ANK3: variants seen among roughly 807,000 people sequenced by gnomAD.
ANK3 encodes ankyrin-3.
A neutral mutation model predicts 370.9 loss-of-function variants in ANK3; 57 were observed. The observed-to-expected ratio is 0.15, with a 90% CI of 0.12 to 0.19. The LOEUF is 0.19. Among genes scored for constraint, ANK3 ranks in the 10% least tolerant of loss-of-function variants. The probability of loss-of-function intolerance (pLI) is 1.00; values close to 1 mark genes in which losing one functional copy is unlikely to be tolerated. For synonymous variants in ANK3, 1,929 were observed against 1,946.3 expected, an observed-to-expected ratio of 0.99 and a Z score of 0.23; for missense variants, 4,439 against 5,302.1, an observed-to-expected ratio of 0.84 and a Z score of 5.06.
intron 2 of ANK3, among the ~76,000 whole-genome samples, chr10:60,485,917 T>C (rs1035297020): frequency 1.3e-5 from 2 of 151,472 alleles, no homozygotes; most frequent in Admixed American, 1.3e-4. Flanking sequence ...AAGTTATAAC[T>C]AAGAGAAAGT....
At chr10:60,493,963 C>G (rs957922302) in intron 2 of ANK3, among the ~76,000 whole-genome samples, 1 of 152,128 alleles carries the variant, frequency 6.6e-6, no homozygotes, top group African/African-American at 2.4e-5. Context: ...ACATATTAAT[C>G]ATGATAATAT....
At chr10:60,608,779 T>C (rs1227461698) in intron 2 of ANK3, among the ~76,000 whole-genome samples, 1 of 152,190 alleles carries the variant, frequency 6.6e-6, no homozygotes, top group African/African-American at 2.4e-5. Flanking sequence ...ATTAACATCC[T>C]CAAATCCTGT....
intron 1 of ANK3, among the ~76,000 whole-genome samples, chr10:60,618,021 G>C (rs2133325696): frequency 6.6e-6 from 1 of 152,250 alleles, no homozygotes; most frequent in South Asian, 2.1e-4. Context: ...TTATAACATT[G>C]TGGAAGCATC....
At chr10:60,728,762 C>T (rs1318094054) in intron 1 of ANK3, among the ~76,000 whole-genome samples, 1 of 152,138 alleles carries the variant, frequency 6.6e-6, no homozygotes, top group Non-Finnish European at 1.5e-5. Flanking sequence ...TTGGTCTCTC[C>T]ATCAGTTACC....
chr10:60,673,851 T>C (rs1331092677), intron 1 of ANK3, among the ~76,000 whole-genome samples: 3 of 151,888 alleles, frequency 2.0e-5, no homozygotes, highest in Admixed American at 2.0e-4. Context: ...TTCAGAGGAG[T>C]AGTCCAATTA....
At chr10:60,723,925 TG>T (rs964641418) in intron 1 of ANK3, among the ~76,000 whole-genome samples, 5 of 151,718 alleles carry the variant, frequency 3.3e-5, no homozygotes, top group Non-Finnish European at 5.9e-5. Context: ...GGTAAAGAAA[TG>T]GAGGCTGGGC....
At chr10:60,708,816 T>C (rs533878569) in intron 1 of ANK3, among the ~76,000 whole-genome samples, 2 of 152,302 alleles carry the variant, frequency 1.3e-5, no homozygotes, top group East Asian at 3.9e-4. Flanking sequence ...TCAATCTGGC[T>C]TCTGTGTAAT....
chr10:60,560,256 A>T (rs2077303970), intron 2 of ANK3, among the ~76,000 whole-genome samples: 1 of 152,186 alleles, frequency 6.6e-6, no homozygotes, highest in South Asian at 2.1e-4. Context: ...TAGTTTTTAC[A>T]CTCTGATGAT....
At chr10:60,282,780 C>G (rs568219616) in intron 1 of ANK3, among the ~76,000 whole-genome samples, 1 of 152,094 alleles carries the variant, frequency 6.6e-6, no homozygotes, top group Non-Finnish European at 1.5e-5. Context: ...GGCCCTGTTA[C>G]GTATCAACAT....
At chr10:60,502,768 A>AAAGAAAGAAAAGAAAGAAAG (rs1479121692) in intron 2 of ANK3, among the ~76,000 whole-genome samples, 4 of 146,198 alleles carry the variant, frequency 2.7e-5, no homozygotes, top group African/African-American at 1.0e-4. Context: ...GAGAAAGAAA[A>AAAGAAAGAAAAGAAAGAAAG]AAGAAAGAAA....
At chr10:60,227,079 C>G (rs987007385) in intron 8 of ANK3, among the ~76,000 whole-genome samples, 2 of 151,828 alleles carry the variant, frequency 1.3e-5, no homozygotes, top group African/African-American at 4.8e-5. Flanking sequence ...TTTAGTTCGT[C>G]TGGGCCTGAT....
chr10:60,083,900 C>A (rs968400666), intron 32 of ANK3: 5 of 223,018 alleles, frequency 2.2e-5, no homozygotes, highest in East Asian at 2.1e-4. Context: ...ACATCAATCA[C>A]TTATTCGTAT....
At chr10:60,403,353 C>A (rs1324346579) in intron 2 of ANK3, among the ~76,000 whole-genome samples, 1 of 152,162 alleles carries the variant, frequency 6.6e-6, no homozygotes, top group Non-Finnish European at 1.5e-5. Flanking sequence ...ATGAGGCCAG[C>A]ATAACCTTTG....
At chr10:60,497,894 A>T (rs1415369208) in intron 2 of ANK3, among the ~76,000 whole-genome samples, 2 of 152,116 alleles carry the variant, frequency 1.3e-5, no homozygotes, top group Non-Finnish European at 2.9e-5. Flanking sequence ...ACAAAATTTC[A>T]TTTTACCCCT....
intron 1 of ANK3, among the ~76,000 whole-genome samples, chr10:60,375,040 C>CTGCCT: frequency 6.6e-6 from 1 of 152,050 alleles, no homozygotes; most frequent in South Asian, 2.1e-4. Context: ...CGTATATACA[C>CTGCCT]GCACAGAAAA....
intron 7 of ANK3, among the ~76,000 whole-genome samples, chr10:60,260,422 C>T (rs925864139): frequency 3.3e-5 from 5 of 152,182 alleles, no homozygotes; most frequent in African/African-American, 1.2e-4. Context: ...TAGCATTATA[C>T]ACTATCTCCC....
intron 1 of ANK3, among the ~76,000 whole-genome samples, chr10:60,290,545 T>C (rs1024360330): frequency 6.6e-6 from 1 of 152,152 alleles, no homozygotes; most frequent in Non-Finnish European, 1.5e-5. Flanking sequence ...TCTATATTAG[T>C]AATAATCACT....
chr10:60,435,268 C>G (rs540154307), intron 2 of ANK3, among the ~76,000 whole-genome samples: 14 of 152,096 alleles, frequency 9.2e-5, no homozygotes, highest in Non-Finnish European at 1.6e-4. Flanking sequence ...AAAGTTGTTT[C>G]CTACTAATTT....
chr10:60,567,329 T>A (rs1430337902), intron 2 of ANK3, among the ~76,000 whole-genome samples: 1 of 151,958 alleles, frequency 6.6e-6, no homozygotes, highest in Non-Finnish European at 1.5e-5. Context: ...AATCCTAGAG[T>A]CCTTAAGAAT....
Sources: gnomAD v4.1 joint callset for allele counts (sites outside exome capture counted in the v4.1 genomes callset) on GRCh38, gnomAD v4.1.1 for gene constraint, MANE v1.5 for transcripts, NCBI Gene and HGNC (gene_info 2026-07-23, HGNC 2026-07-21) for gene names.